Variants in TUT7 observed in about 807,000 individuals in gnomAD.
TUT7 encodes the protein terminal uridylyltransferase 7.
In TUT7, 33 loss-of-function variants were observed where a neutral mutation model predicts 165.9. The observed-to-expected ratio is 0.20, with a 90% CI of 0.15 to 0.27. The LOEUF is 0.27. TUT7 is among the 10% of genes least tolerant of loss of function. The pLI is 1.00. For synonymous variants in TUT7, 552 were observed against 608.1 expected, an observed-to-expected ratio of 0.91 and a Z score of 1.36; for missense variants, 1,338 against 1,762.3, an observed-to-expected ratio of 0.76 and a Z score of 4.31.
In TUT7 at chr9:86,307,981, C is replaced by T. The variant is rs527930194; in HGVS notation, c.3838+448G>A. On this transcript the variant is annotated intron_variant, in intron 22 of 26. Transcript: ENST00000375963. ...TGCACTCCAGCCTGGGCAACAAGAG[C>T]GAAACTCCATCTCAAAAACTAAAAA... Among the ~76,000 whole-genome samples, 20 of 152,020 alleles carry T rather than the reference C, an allele frequency of 1.3e-4. No individual in the cohort carries two copies. The East Asian group carries it at 2.7e-3, about 21-fold the overall frequency.
intron 25 of TUT7, chr9:86,301,872 T>C: frequency 1.0e-6 from 1 of 985,032 alleles, no homozygotes. Context: ...CTTGGCTGAA[T>C]GCCTACTTTG....
At chr9:86,315,939 T>C (rs1295548994) in intron 17 of TUT7, among the ~76,000 whole-genome samples, 1 of 152,148 alleles carries the variant, frequency 6.6e-6, no homozygotes, top group African/African-American at 2.4e-5. Flanking sequence ...GGAAAAAATT[T>C]CAAAGAAAAG....
In TUT7 at chr9:86,339,894, T is replaced by C. The variant is rs1587993785; in HGVS notation, c.1208+142A>G. 10 of 610,704 alleles carry C rather than the reference T, an allele frequency of 1.6e-5. No homozygotes were observed. The East Asian group carries it at 2.7e-4, about 17-fold the overall frequency. 37.8% of individuals were successfully genotyped at this position (610,704 alleles called of 1,614,324 possible). ...CCTTTTACATCAAATGCCAAAAGTATAGGGAGAATGTTAGTAGGAACCATG... is the reference window on the plus strand; with the variant it reads ...CCTTTTACATCAAATGCCAAAAGTACAGGGAGAATGTTAGTAGGAACCATG... On this transcript the variant is annotated intron_variant, in intron 8 of 26. Coordinates refer to ENST00000375963, the MANE Select transcript of TUT7 (RefSeq NM_024617.4).
intron 21 of TUT7, 73 bp downstream of exon 21, chr9:86,309,139 T>G (rs1827789569): frequency 2.3e-6 from 2 of 872,002 alleles, no homozygotes; most frequent in South Asian, 3.1e-5. Context: ...AAATAGTTGT[T>G]GAACATCTAC....
At position 86,301,684 on chromosome 9, in the gene TUT7, A is replaced by T. The variant is rs933741988; in HGVS notation, c.4095-83T>A. The T allele has an allele frequency of 2.6e-6, 4 of 1,521,456 alleles. No homozygotes were observed. The African/African-American group carries it at 5.6e-5, about 21-fold the overall frequency. The allele number at this position is 1,521,456 out of a possible 1,614,324, so 94.2% of individuals were successfully genotyped here. A position where few individuals can be genotyped will look rare whatever the true frequency, so the allele number is the denominator to read the frequency against. On this transcript the variant is annotated intron_variant, in intron 25 of 26. Transcript: ENST00000375963. Reference sequence around the variant, plus strand: ...AGGCAATTCCCAAAATATTAAGGCAATTCTAGATTTAAGAGATGACCAGGA... The same window carrying T: ...AGGCAATTCCCAAAATATTAAGGCATTTCTAGATTTAAGAGATGACCAGGA...
At position 86,340,470 on chromosome 9, in the gene TUT7, A is replaced by T. The variant is rs550495336; in HGVS notation, c.1139-365T>A. On this transcript the variant is annotated intron_variant, in intron 7 of 26. Coordinates refer to ENST00000375963, the MANE Select transcript of TUT7 (RefSeq NM_024617.4). Reference sequence around the variant, plus strand: ...TCAAAATATGTATTGATCGAAGACAAAATTTAACCAAAACAAGGAGGATGG... The same window carrying T: ...TCAAAATATGTATTGATCGAAGACATAATTTAACCAAAACAAGGAGGATGG... 4.6e-5 allele frequency among the ~76,000 whole-genome samples: 7 copies of T among 152,364 alleles called. No homozygotes were observed. In the East Asian group the frequency reaches 1.3e-3, roughly 29 times the overall value.
intron 10 of TUT7, among the ~76,000 whole-genome samples, chr9:86,329,315 G>T (rs576610472): frequency 5.3e-5 from 8 of 152,012 alleles, no homozygotes; most frequent in Non-Finnish European, 1.2e-4. Flanking sequence ...CCTAAGGTCA[G>T]GAGTTCGAGA....
chr9:86,347,581 C>T (rs1005350797), intron 2 of TUT7, among the ~76,000 whole-genome samples: 4 of 151,952 alleles, frequency 2.6e-5, no homozygotes, highest in African/African-American at 7.3e-5. Flanking sequence ...TTGCTGAGAG[C>T]GCTAAAGGAT....
At chr9:86,305,033 C>T (rs559433551) in intron 23 of TUT7, 86 bp from the exon 24 acceptor site, 115 of 1,224,664 alleles carry the variant, frequency 9.4e-5, no homozygotes, top group Admixed American at 2.8e-4. Context: ...GGCCTGGTGG[C>T]GCCTGTTATT....
intron 14 of TUT7, among the ~76,000 whole-genome samples, chr9:86,321,091 G>A (rs912583234): frequency 6.6e-6 from 1 of 151,912 alleles, no homozygotes; most frequent in African/African-American, 2.4e-5. Context: ...GGTGGCTCAC[G>A]CCTGTAATCC....
intron 22 of TUT7, among the ~76,000 whole-genome samples, chr9:86,308,049 A>G (rs1827682188): frequency 6.6e-6 from 1 of 152,136 alleles, no homozygotes; most frequent in Non-Finnish European, 1.5e-5. Flanking sequence ...ATAAATGTCA[A>G]AATTTATATA....
chr9:86,338,371 A>G (rs974760249), intron 9 of TUT7, among the ~76,000 whole-genome samples: 3 of 152,110 alleles, frequency 2.0e-5, no homozygotes, highest in African/African-American at 4.8e-5. Context: ...GGAACGTTAA[A>G]TCTTCTACTG....
chr9:86,324,246 G>C (rs539507126), intron 12 of TUT7: 49 of 193,300 alleles, frequency 2.5e-4, no homozygotes, highest in African/African-American at 1.0e-3. Context: ...AGGTAGAAAA[G>C]ATGTTATCAG....
In TUT7 at chr9:86,323,915, T is replaced by A; in HGVS notation, c.1835A>T (p.Gln612Leu). Reference sequence around the variant, plus strand: ...ATGAAGTATATATTCAAACACAGGTTGACTATTTAGGGTTCTTGCCACATT... The same window carrying A: ...ATGAAGTATATATTCAAACACAGGTAGACTATTTAGGGTTCTTGCCACATT... ...KRNVARTLNSQPVFEYILHCL... is the reference protein window; with the variant it reads ...KRNVARTLNSLPVFEYILHCL... Residue 612 changes from glutamine (Q) to leucine (L), a missense_variant, in exon 13 of 27, where the codon CAA (glutamine) becomes CTA (leucine). Around this residue, in one of 7 missense-constraint regions of TUT7, gnomAD observed 425 missense variants for 474.9 expected, o/e 0.89. Coordinates refer to ENST00000375963, the MANE Select transcript of TUT7 (RefSeq NM_024617.4). 1 of 1,610,256 alleles carries A rather than the reference T, an allele frequency of 6.2e-7. No individual in the cohort carries two copies. The highest frequency in any genetic ancestry group is 8.5e-7 in the Non-Finnish European group (1 of 1,177,714).
Position 86,339,964 on chromosome 9 carries a change from T to C in TUT7, c.1208+72A>G, listed in dbSNP as rs145339357. ...GCTTATAATTCTAGAAATTGGACATTAAGATGTAGTAAAGTACTTGTGCTT... is the reference window on the plus strand; with the variant it reads ...GCTTATAATTCTAGAAATTGGACATCAAGATGTAGTAAAGTACTTGTGCTT... On this transcript the variant is annotated intron_variant, in intron 8 of 26. Coordinates refer to ENST00000375963, the MANE Select transcript of TUT7 (RefSeq NM_024617.4). The C allele has an allele frequency of 1.0e-3, 1,171 of 1,134,252 alleles. 16 individuals are homozygous for C. In the African/African-American group the frequency reaches 0.016, roughly 15 times the overall value. The allele number at this position is 1,134,252 out of a possible 1,614,324, so 70.3% of individuals were successfully genotyped here. A position where few individuals can be genotyped will look rare whatever the true frequency, so the allele number is the denominator to read the frequency against.
chr9:86,317,953 A>C (rs1391247989), intron 16 of TUT7, among the ~76,000 whole-genome samples: 1 of 152,218 alleles, frequency 6.6e-6, no homozygotes, highest in African/African-American at 2.4e-5. Flanking sequence ...ATAAACCTTG[A>C]GGATGTATGA....
intron 8 of TUT7, among the ~76,000 whole-genome samples, chr9:86,339,585 T>C (rs905133805): frequency 1.3e-5 from 2 of 151,816 alleles, no homozygotes; most frequent in East Asian, 3.9e-4. Context: ...TTCCCAAGAG[T>C]TGGAGGAATG....
intron 4 of TUT7, 112 bp from the exon 5 acceptor site, chr9:86,345,266 A>G (rs1831656610): frequency 1.0e-6 from 1 of 991,260 alleles, no homozygotes; most frequent in Non-Finnish European, 1.4e-6. Flanking sequence ...CTCCCTTCTC[A>G]TTTTAGCTGT....
chr9:86,312,440 G>C (rs891652041), intron 17 of TUT7, among the ~76,000 whole-genome samples: 3 of 151,988 alleles, frequency 2.0e-5, no homozygotes, highest in African/African-American at 7.3e-5. Flanking sequence ...CCCCGTCTGG[G>C]AAGTGAGGAG....
Sources: gnomAD v4.1 joint callset for allele counts (sites outside exome capture counted in the v4.1 genomes callset) on GRCh38, gnomAD v4.1.1 for gene constraint, gnomAD v4.1.1 regional missense constraint, MANE v1.5 for transcripts, NCBI Gene and HGNC (gene_info 2026-07-23, HGNC 2026-07-21) for gene names.